The following ELAVL2 variants were observed in gnomAD, a reference collection of about 807,000 sequenced individuals.
ELAVL2 encodes ELAV-like protein 2.
A neutral mutation model predicts 34.6 loss-of-function variants in ELAVL2; 4 were observed. The observed-to-expected ratio is 0.12, with a 90% CI of 0.06 to 0.26. The LOEUF (loss-of-function observed/expected upper bound fraction) is 0.26, where lower values mean the gene tolerates loss of function less well. ELAVL2 is among the 10% of genes least tolerant of loss of function. ELAVL2 has a pLI of 1.00. For missense variants in ELAVL2, 432 were observed against 442.8 expected (o/e 0.98, Z 0.22); for synonymous variants, 193 against 154.8 (o/e 1.25, Z -1.83).
intron 2 of ELAVL2, chr9:23,735,240 TG>T (rs2047591577): frequency 6.6e-6 from 1 of 151,400 alleles, no homozygotes; most frequent in Non-Finnish European, 1.5e-5. Context: ...AAGCTACCTG[TG>T]GTCAAGTGTT....
intron 1 of ELAVL2, among the ~76,000 whole-genome samples, chr9:23,807,533 T>TC (rs1489200579): frequency 6.6e-6 from 1 of 152,170 alleles, no homozygotes; most frequent in African/African-American, 2.4e-5. Flanking sequence ...CTAAGTCTCT[T>TC]CCACTCCAAC....
At chr9:23,786,781 C>CAAAAAAAAAAAA (rs57292061) in intron 1 of ELAVL2, among the ~76,000 whole-genome samples, 2 of 108,142 alleles carry the variant, frequency 1.8e-5, no homozygotes, top group Admixed American at 9.4e-5. Context: ...ATTTTAGTGG[C>CAAAAAAAAAAAA]AAAAAAAAAA....
intron 3 of ELAVL2, among the ~76,000 whole-genome samples, chr9:23,708,305 A>G (rs556526235): frequency 3.3e-4 from 50 of 152,334 alleles, no homozygotes; most frequent in African/African-American, 1.1e-3. Context: ...CACAAACTAC[A>G]ATATTTTGTC....
intron 1 of ELAVL2, among the ~76,000 whole-genome samples, chr9:23,785,648 T>G (rs985783445): frequency 1.3e-5 from 2 of 152,196 alleles, no homozygotes. Context: ...ACTCCCAGTA[T>G]GAGTACGAAT....
chr9:23,725,447 C>A (rs1027275883), intron 3 of ELAVL2, among the ~76,000 whole-genome samples: 2 of 152,178 alleles, frequency 1.3e-5, no homozygotes, highest in African/African-American at 4.8e-5. Context: ...CAGAACTGTG[C>A]TGCAGGTATT....
chr9:23,776,055 A>T (rs1165195942), intron 1 of ELAVL2, among the ~76,000 whole-genome samples: 2 of 152,144 alleles, frequency 1.3e-5, no homozygotes, highest in South Asian at 4.1e-4. Flanking sequence ...CCCCTTACTT[A>T]TCCATGTGGT....
chr9:23,696,661 C>T (rs972058424), intron 5 of ELAVL2, among the ~76,000 whole-genome samples: 13 of 151,838 alleles, frequency 8.6e-5, no homozygotes, highest in Non-Finnish European at 1.3e-4. Flanking sequence ...TTAGTAGAGA[C>T]GGGGTTTCAC....
At chr9:23,778,132 G>A (rs997887945) in intron 1 of ELAVL2, among the ~76,000 whole-genome samples, 1 of 152,090 alleles carries the variant, frequency 6.6e-6, no homozygotes, top group Non-Finnish European at 1.5e-5. Context: ...TCAAATAAAT[G>A]GCAGAATCCG....
intron 1 of ELAVL2, among the ~76,000 whole-genome samples, chr9:23,802,639 A>G (rs1029147186): frequency 3.9e-5 from 6 of 152,184 alleles, no homozygotes; most frequent in African/African-American, 1.2e-4. Context: ...TGGGAACCTA[A>G]GAGTCCTCTG....
chr9:23,702,968 A>C (rs1370496844), intron 4 of ELAVL2, among the ~76,000 whole-genome samples: 1 of 146,970 alleles, frequency 6.8e-6, no homozygotes, highest in Admixed American at 6.9e-5. Context: ...AAAAAAAAAA[A>C]AAAAAAAAAA....
chr9:23,777,223 G>A (rs1399761705), intron 1 of ELAVL2, among the ~76,000 whole-genome samples: 1 of 152,230 alleles, frequency 6.6e-6, no homozygotes, highest in East Asian at 1.9e-4. Context: ...AGAAATTCTC[G>A]CTATCATCCA....
At chr9:23,759,778 A>ATATATATATATAT (rs1220130983) in intron 2 of ELAVL2, among the ~76,000 whole-genome samples, 45 of 138,878 alleles carry the variant, frequency 3.2e-4, no homozygotes, top group Non-Finnish European at 6.4e-4. Flanking sequence ...ATATATATAT[A>ATATATATATATAT]TATATATATA....
chr9:23,752,106 G>A (rs977435828), intron 2 of ELAVL2, among the ~76,000 whole-genome samples: 6 of 152,088 alleles, frequency 3.9e-5, no homozygotes, highest in African/African-American at 9.7e-5. Flanking sequence ...CCTATGGGGG[G>A]AAAAACAAAA....
chr9:23,714,235 C>A (rs530138430), intron 3 of ELAVL2, among the ~76,000 whole-genome samples: 52 of 152,266 alleles, frequency 3.4e-4, no homozygotes, highest in African/African-American at 1.3e-3. Flanking sequence ...GGAACAAAAA[C>A]TCAAGGAATA....
intron 1 of ELAVL2, among the ~76,000 whole-genome samples, chr9:23,816,026 A>C (rs115648746): frequency 2.0e-5 from 3 of 152,142 alleles, no homozygotes; most frequent in Non-Finnish European, 4.4e-5. Context: ...TCTAATTGCC[A>C]AAGTCCTATT....
At chr9:23,715,718 A>G (rs2042122491) in intron 3 of ELAVL2, among the ~76,000 whole-genome samples, 2 of 152,100 alleles carry the variant, frequency 1.3e-5, no homozygotes, top group Admixed American at 6.6e-5. Context: ...AATGTACTTA[A>G]GATATAATTT....
At chr9:23,733,987 T>C (rs2047225404) in intron 2 of ELAVL2, among the ~76,000 whole-genome samples, 1 of 152,202 alleles carries the variant, frequency 6.6e-6, no homozygotes, top group Admixed American at 6.5e-5. Flanking sequence ...CTTTGCCTCC[T>C]TATAAAAAGT....
intron 3 of ELAVL2, among the ~76,000 whole-genome samples, chr9:23,719,272 G>C (rs1233000818): frequency 6.6e-6 from 1 of 152,130 alleles, no homozygotes; most frequent in Non-Finnish European, 1.5e-5. Flanking sequence ...CTCACTGGCT[G>C]TAATTAAACC....
intron 2 of ELAVL2, among the ~76,000 whole-genome samples, chr9:23,733,399 G>C (rs913786710): frequency 6.6e-6 from 1 of 152,056 alleles, no homozygotes; most frequent in Non-Finnish European, 1.5e-5. Flanking sequence ...ATTGGTACTA[G>C]CTTTTTAAAA....
Sources: allele counts gnomAD v4.1 joint callset (sites outside exome capture counted in the v4.1 genomes callset), GRCh38; gene constraint gnomAD v4.1.1; transcripts MANE v1.5; gene names NCBI Gene and HGNC (gene_info 2026-07-23, HGNC 2026-07-21).